ANKRD28: variants seen among roughly 807,000 people sequenced by gnomAD.
ANKRD28 encodes serine/threonine-protein phosphatase 6 regulatory ankyrin repeat subunit A.
A neutral mutation model predicts 126.5 loss-of-function variants in ANKRD28; 44 were observed. The observed-to-expected ratio is 0.35, with a 90% CI of 0.27 to 0.45. The LOEUF (loss-of-function observed/expected upper bound fraction) is 0.45. ANKRD28 is among the 20% of genes least tolerant of loss of function. ANKRD28 has a pLI of 1.00. For missense variants in ANKRD28, 1,110 were observed against 1,316.6 expected, an observed-to-expected ratio of 0.84 and a Z score of 2.43; for synonymous variants, 442 against 468.5, an observed-to-expected ratio of 0.94 and a Z score of 0.73.
In ANKRD28 at chr3:15,677,580, A is replaced by G. The variant is rs368456997; in HGVS notation, c.2708-18T>C. The G allele has an allele frequency of 6.4e-7, 1 of 1,551,220 alleles. No homozygotes were observed. Among genetic ancestry groups the G allele is most frequent in the Admixed American group, 1.7e-5 (1 of 59,706 alleles). On this transcript the variant is annotated intron_variant, in intron 24 of 27. Transcript: ENST00000683139. ...CAGCATCTCTGGGAGGAAAAAGTGC[A>G]TCAATTCTTATGTTTATGAACATGT... is the stretch of plus-strand genomic sequence containing the variant.
chr3:15,784,656 A>C (rs1277830375), intron 2 of ANKRD28, among the ~76,000 whole-genome samples: 1 of 152,094 alleles, frequency 6.6e-6, no homozygotes. Context: ...TAATCCACCT[A>C]TAACAAGAAT....
At chr3:15,780,393 T>C (rs1309471999) in intron 2 of ANKRD28, among the ~76,000 whole-genome samples, 1 of 152,054 alleles carries the variant, frequency 6.6e-6, no homozygotes, top group Non-Finnish European at 1.5e-5. Context: ...CTAAAAACTA[T>C]AAAACATTAA....
chr3:15,781,766 A>G (rs1187282165), intron 2 of ANKRD28: 2 of 152,160 alleles, frequency 1.3e-5, no homozygotes, highest in African/African-American at 4.8e-5. Context: ...TGCTGTATAC[A>G]AAGTTTTGTT....
chr3:15,671,205 CCT>C (rs1229372955), intron 27 of ANKRD28, among the ~76,000 whole-genome samples: 1 of 152,108 alleles, frequency 6.6e-6, no homozygotes, highest in African/African-American at 2.4e-5. Context: ...GTAAATATTC[CCT>C]TTTTTTAAGC....
Position 15,668,019 on chromosome 3 carries a change from A to G in ANKRD28, c.*2251T>C, listed in dbSNP as rs1280938902. The G allele has an allele frequency of 6.6e-6, 1 of 152,220 alleles. No individual in the cohort carries two copies. Among genetic ancestry groups the G allele is most frequent in the Non-Finnish European group, 1.5e-5 (1 of 68,054 alleles). 9.4% of individuals were successfully genotyped at this position (152,220 alleles called of 1,614,324 possible). ...AGAATGTGCGAGATTCATCCTTCCA[A>G]CATTCTCAGGGTTCTCTTGGAGGAC... On this transcript the variant is annotated 3_prime_UTR_variant, in exon 28 of 28. Transcript: ENST00000683139.
At chr3:15,784,600 C>T (rs1200001951) in intron 2 of ANKRD28, among the ~76,000 whole-genome samples, 4 of 39,346 alleles carry the variant, frequency 1.0e-4, no homozygotes, top group South Asian at 9.2e-4. Flanking sequence ...GAAGAATGGA[C>T]GACCAATGGT....
intron 17 of ANKRD28, 92 bp downstream of exon 17, chr3:15,694,647 T>A: frequency 9.4e-7 from 1 of 1,059,302 alleles, no homozygotes; most frequent in Non-Finnish European, 1.4e-6. Flanking sequence ...GGACCAAAAG[T>A]TTATGGTACT....
chr3:15,844,207 T>C lies in ANKRD28; in HGVS notation c.27+15170A>G, dbSNP rs2061483886. Among the ~76,000 whole-genome samples the C allele has an allele frequency of 2.0e-5, 3 of 152,236 alleles. No individual in the cohort carries two copies. In the South Asian group the frequency reaches 6.2e-4, roughly 32 times the overall value. On this transcript the variant is annotated intron_variant, in intron 1 of 27. Coordinates refer to the ANKRD28 transcript ENST00000399451. Reference sequence around the variant, plus strand: ...ATCAATCAATATCTAGTAATTAAAGTAGACTGGTCACCCAAACAAAATCTC... The same window carrying C: ...ATCAATCAATATCTAGTAATTAAAGCAGACTGGTCACCCAAACAAAATCTC...
intron 1 of ANKRD28, among the ~76,000 whole-genome samples, chr3:15,840,394 C>CA (rs970815619): frequency 7.2e-5 from 11 of 151,862 alleles, no homozygotes; most frequent in Non-Finnish European, 1.0e-4. Flanking sequence ...TGAAGACACA[C>CA]AAAAAATGGA....
At chr3:15,684,296 C>T (rs570625424) in intron 21 of ANKRD28, 2 of 152,132 alleles carry the variant, frequency 1.3e-5, no homozygotes, top group Admixed American at 6.6e-5. Flanking sequence ...TGCTTCCCTA[C>T]GTGACCTTTT....
intron 1 of ANKRD28, among the ~76,000 whole-genome samples, chr3:15,840,107 C>T (rs2061398540): frequency 6.6e-6 from 1 of 152,126 alleles, no homozygotes; most frequent in Non-Finnish European, 1.5e-5. Flanking sequence ...GTCCAATTAT[C>T]CTTGTCTGCA....
chr3:15,742,078 G>A (rs1005462050), intron 4 of ANKRD28, among the ~76,000 whole-genome samples: 15 of 152,144 alleles, frequency 9.9e-5, no homozygotes, highest in African/African-American at 1.9e-4. Flanking sequence ...GCGTGATCTC[G>A]GCTCGCTACA....
chr3:15,764,485 G>A (rs2058644095), intron 3 of ANKRD28, among the ~76,000 whole-genome samples: 1 of 150,976 alleles, frequency 6.6e-6, no homozygotes, highest in South Asian at 2.1e-4. Flanking sequence ...AAAAGGAAGG[G>A]ATTAAGTCAA....
chr3:15,794,906 T>C (rs910923849), intron 2 of ANKRD28, among the ~76,000 whole-genome samples: 1 of 152,178 alleles, frequency 6.6e-6, no homozygotes, highest in African/African-American at 2.4e-5. Flanking sequence ...TATTAATAAA[T>C]ACAGAAAGCA....
At chr3:15,767,700 TAAAAAAAAAAAAAAAAAA>T (rs57072807) in intron 2 of ANKRD28, among the ~76,000 whole-genome samples, 6,553 of 63,938 alleles carry the variant, frequency 0.1, 824 homozygotes, top group East Asian at 0.35. Context: ...TAGTCTCTAC[TAAAAAAAAAAAAAAAAAA>T]AAAAAAAAAA....
intron 3 of ANKRD28, among the ~76,000 whole-genome samples, chr3:15,757,958 T>A (rs2058254734): frequency 6.6e-6 from 1 of 152,226 alleles, no homozygotes; most frequent in South Asian, 2.1e-4. Flanking sequence ...CAGAGTTGAA[T>A]GGCCTGTAAC....
intron 17 of ANKRD28, among the ~76,000 whole-genome samples, chr3:15,693,659 A>G (rs2069127416): frequency 6.6e-6 from 1 of 152,052 alleles, no homozygotes; most frequent in African/African-American, 2.4e-5. Context: ...CTTTTCATCA[A>G]TAGTAAAATG....
Position 15,724,383 on chromosome 3 carries a change from T to A in ANKRD28, c.782A>T (p.Asp261Val). ...VVKYLLDLGV[D>V]MNEPNAYGNT... ...ATACTGTTCAATTAATATACCTACA[T>A]CAACTCCAAGATCTAGAAGGTACTT... is the stretch of plus-strand genomic sequence containing the variant. Residue 261 changes from aspartate to valine, a missense_variant and splice_region_variant, in exon 7 of 28, where the codon GAT becomes GTT. Transcript: ENST00000683139. 6.2e-7 allele frequency: 1 copy of A among 1,603,286 alleles called. No individual in the cohort carries two copies. The highest frequency in any genetic ancestry group is 8.5e-7 in the Non-Finnish European group (1 of 1,174,502).
intron 1 of ANKRD28, among the ~76,000 whole-genome samples, chr3:15,822,519 T>C (rs2060966734): frequency 6.6e-6 from 1 of 152,076 alleles, no homozygotes; most frequent in Non-Finnish European, 1.5e-5. Context: ...ATTCAAAATA[T>C]CCAATTTCCA....
Sources: gnomAD v4.1 joint callset for allele counts (sites outside exome capture counted in the v4.1 genomes callset) on GRCh38, gnomAD v4.1.1 for gene constraint, MANE v1.5 for transcripts, NCBI Gene and HGNC (gene_info 2026-07-23, HGNC 2026-07-21) for gene names.